The following DST variants were observed in gnomAD, a reference collection of about 807,000 sequenced individuals.
The protein encoded by DST is dystonin.
Under a neutral mutation model 875.2 loss-of-function variants are expected in DST, and 253 were observed. That is an observed-to-expected ratio of 0.29 (90% CI 0.26 to 0.32). The LOEUF is 0.32. DST is among the 10% of genes least tolerant of loss of function. DST has a pLI of 1.00. For synonymous variants in DST, 3,124 were observed against 3,197.1 expected, an observed-to-expected ratio of 0.98 and a Z score of 0.77; for missense variants, 8,287 against 9,111.6, an observed-to-expected ratio of 0.91 and a Z score of 3.68.
chr6:56,783,581 A>T (rs911865303), intron 4 of DST, among the ~76,000 whole-genome samples: 1 of 151,908 alleles, frequency 6.6e-6, no homozygotes, highest in South Asian at 2.1e-4. Context: ...TGCTTGGTAG[A>T]TCTTCCTCCA....
intron 88 of DST, 46 bp from the exon 89 acceptor site, chr6:56,482,923 A>T: frequency 7.1e-7 from 1 of 1,401,900 alleles, no homozygotes; most frequent in Non-Finnish European, 9.5e-7. Context: ...TACAAAACCA[A>T]AACAGCAACA....
chr6:56,936,555 T>C (rs1813099869), intron 2 of DST, among the ~76,000 whole-genome samples: 3 of 152,182 alleles, frequency 2.0e-5, no homozygotes, highest in Admixed American at 2.0e-4. Context: ...AGTACAGAAA[T>C]CACTCATTTT....
chr6:56,587,436 C>T (rs977988878), intron 49 of DST, among the ~76,000 whole-genome samples: 1 of 152,100 alleles, frequency 6.6e-6, no homozygotes, highest in African/African-American at 2.4e-5. Context: ...TGCATCTGAT[C>T]AGTGTACCTG....
At chr6:56,729,044 T>C (rs1196853493) in intron 5 of DST, among the ~76,000 whole-genome samples, 2 of 149,540 alleles carry the variant, frequency 1.3e-5, no homozygotes, top group East Asian at 3.9e-4. Context: ...TAAAGCAAAC[T>C]AGGTAAAACA....
In DST at chr6:56,470,131, A is replaced by G. The variant is rs201478608; in HGVS notation, c.22473T>C (p.Asp7491=). The G allele has an allele frequency of 6.2e-7, 1 of 1,612,480 alleles. No individual in the cohort carries two copies. Among genetic ancestry groups the G allele is most frequent in the African/African-American group, 1.3e-5 (1 of 75,016 alleles). ...GCAATGGGAAGATAATGAGTACCTCATCTTCGATTTTGTCGGCATCTGTGA... is the reference window on the plus strand; with the variant it reads ...GCAATGGGAAGATAATGAGTACCTCGTCTTCGATTTTGTCGGCATCTGTGA... The part of the protein sequence containing the change: ...KPITDADKIE[D]EVTRQVAKCK... Residue 7491 remains aspartate (D), a synonymous_variant, in exon 96 of 104, where the codon GAT becomes GAC. Coordinates refer to ENST00000680361, the MANE Select transcript of DST (RefSeq NM_001374736.1).
chr6:56,538,522 C>T (rs2097059716), intron 61 of DST, among the ~76,000 whole-genome samples: 1 of 152,090 alleles, frequency 6.6e-6, no homozygotes, highest in Admixed American at 6.5e-5. Context: ...ATTGCAGACA[C>T]AGTATGAAAA....
At chr6:56,948,422 T>A (rs773835776) in intron 2 of DST, among the ~76,000 whole-genome samples, 1 of 152,156 alleles carries the variant, frequency 6.6e-6, no homozygotes, top group Non-Finnish European at 1.5e-5. Context: ...ATGGCCAGAG[T>A]ATAAAGTATG....
At chr6:56,511,077 C>T (rs2096465733) in intron 73 of DST, 120 bp downstream of exon 73, 2 of 867,238 alleles carry the variant, frequency 2.3e-6, no homozygotes, top group Non-Finnish European at 3.5e-6. Flanking sequence ...GACATCAATA[C>T]TCAAGAGTGA....
At chr6:56,495,248 C>T (rs545213382) in intron 82 of DST, among the ~76,000 whole-genome samples, 1 of 151,954 alleles carries the variant, frequency 6.6e-6, no homozygotes, top group East Asian at 1.9e-4. Context: ...TCTAGCACAA[C>T]AAAATCAAAA....
intron 4 of DST, among the ~76,000 whole-genome samples, chr6:56,747,888 G>A (rs1193560070): frequency 6.6e-6 from 1 of 151,784 alleles, no homozygotes; most frequent in East Asian, 1.9e-4. Context: ...ATATATGTAA[G>A]GACATAAACA....
intron 46 of DST, among the ~76,000 whole-genome samples, chr6:56,598,227 T>A (rs1168743769): frequency 6.6e-6 from 1 of 152,210 alleles, no homozygotes; most frequent in African/African-American, 2.4e-5. Flanking sequence ...TTAACTATAA[T>A]TGATGAGTGA....
intron 2 of DST, among the ~76,000 whole-genome samples, chr6:56,918,894 C>T (rs1246987668): frequency 6.6e-6 from 1 of 151,960 alleles, no homozygotes; most frequent in Admixed American, 6.6e-5. Flanking sequence ...TTTGAATTTG[C>T]GTTATTTATT....
intron 10 of DST, among the ~76,000 whole-genome samples, chr6:56,669,607 A>T (rs760418157): frequency 2.0e-5 from 3 of 151,942 alleles, no homozygotes; most frequent in Non-Finnish European, 4.4e-5. Flanking sequence ...AAAAAAAAAA[A>T]AAAGAAAAAG....
At chr6:56,908,072 A>G (rs746436031) in intron 2 of DST, among the ~76,000 whole-genome samples, 4 of 148,228 alleles carry the variant, frequency 2.7e-5, no homozygotes, top group Non-Finnish European at 5.9e-5. Flanking sequence ...TCGTCAAAAC[A>G]AAAAAAGAAA....
At chr6:56,786,236 T>A (rs1392411880) in intron 4 of DST, among the ~76,000 whole-genome samples, 3 of 152,192 alleles carry the variant, frequency 2.0e-5, no homozygotes, top group African/African-American at 7.2e-5. Flanking sequence ...AGTCTTGAAT[T>A]GTTACAAAAT....
Position 56,752,883 on chromosome 6 carries a change from C to G in DST, c.626-17594G>C, listed in dbSNP as rs898313075. Among the ~76,000 whole-genome samples the G allele has an allele frequency of 2.0e-5, 3 of 152,168 alleles. No homozygotes were observed. The East Asian group carries it at 5.8e-4, about 29-fold the overall frequency. ...CTCAGCTCACCGCAACCTCTGCCTC[C>G]CGGGTTCAAGCAATTCTCCTGCCTC... On this transcript the variant is annotated intron_variant, in intron 4 of 103. Transcript: ENST00000680361.
In DST at chr6:56,632,839, A is replaced by C; in HGVS notation, c.3805+15T>G. ...CACCTATGGGGAAAAAAAGACAGGG[A>C]TCCCCATGCTTTACCTCTTTCTGCA... is the stretch of plus-strand genomic sequence containing the variant. On this transcript the variant is annotated intron_variant, in intron 28 of 103. Coordinates refer to ENST00000680361, the MANE Select transcript of DST (RefSeq NM_001374736.1). 1 of 1,611,144 alleles carries C rather than the reference A, an allele frequency of 6.2e-7. No homozygotes were observed.
chr6:56,732,551 A>G lies in DST; in HGVS notation c.687+2677T>C, dbSNP rs1323322896. Among the ~76,000 whole-genome samples, 6 of 152,292 alleles carry G rather than the reference A, an allele frequency of 3.9e-5. No individual in the cohort carries two copies. The East Asian group carries it at 1.2e-3, about 29-fold the overall frequency. ...CGAAGAGCAAAAAAATCCTCACCAA[A>G]TATTTTAAGAAGAAAATATTTATGC... On this transcript the variant is annotated intron_variant, in intron 5 of 103. Transcript: ENST00000680361.
chr6:56,636,310 C>T (rs1389492003), intron 23 of DST, among the ~76,000 whole-genome samples: 1 of 147,108 alleles, frequency 6.8e-6, no homozygotes, highest in Non-Finnish European at 1.5e-5. Context: ...ACATATATAA[C>T]AGTGTGTGTA....
Sources: allele counts gnomAD v4.1 joint callset (sites outside exome capture counted in the v4.1 genomes callset), GRCh38; gene constraint gnomAD v4.1.1; transcripts MANE v1.5; gene names NCBI Gene and HGNC (gene_info 2026-07-23, HGNC 2026-07-21).